TBP: variants seen among roughly 807,000 people sequenced by gnomAD.
TBP encodes the protein TATA-box-binding protein.
TBP carries 12 observed loss-of-function variants against 46.2 expected under a neutral mutation model. The observed-to-expected ratio is 0.26, with a 90% confidence interval of 0.17 to 0.42. The LOEUF (loss-of-function observed/expected upper bound fraction) is 0.42, where lower values mean the gene tolerates loss of function less well. TBP is among the 10% of genes least tolerant of loss of function. The probability of loss-of-function intolerance (pLI) is 1.00; values close to 1 mark genes in which losing one functional copy is unlikely to be tolerated. For synonymous variants in TBP, 157 were observed against 148.3 expected (o/e 1.06, Z -0.42); for missense variants, 229 against 403.1 (o/e 0.57, Z 3.70).
intron 7 of TBP, 33 bp downstream of exon 7, chr6:170,571,537 TTG>T: frequency 6.6e-7 from 1 of 1,515,816 alleles, no homozygotes; most frequent in Non-Finnish European, 9.2e-7. Flanking sequence ...ATCTGAAAGT[TTG>T]TAAGTGTTTT....
chr6:170,570,610 A>C (rs1779350106), intron 6 of TBP, among the ~76,000 whole-genome samples: 1 of 152,216 alleles, frequency 6.6e-6, no homozygotes, highest in African/African-American at 2.4e-5. Flanking sequence ...AGGCAGGCAG[A>C]TCAGTTGAGT....
chr6:170,557,102 G>A lies in TBP; in HGVS notation c.54+19G>A. Reference sequence around the variant, plus strand: ...CCCTCAGGTAATATAGCAGGAGGGAGAGAATAGGGAGGGCGGAAATCTGAA... The same window carrying A: ...CCCTCAGGTAATATAGCAGGAGGGAAAGAATAGGGAGGGCGGAAATCTGAA... On this transcript the variant is annotated intron_variant, in intron 2 of 7. Coordinates refer to ENST00000392092, the MANE Select transcript of TBP (RefSeq NM_003194.5). 1.2e-6 allele frequency: 2 copies of A among 1,609,674 alleles called. No homozygotes were observed. Among genetic ancestry groups the A allele is most frequent in the Non-Finnish European group, 1.7e-6 (2 of 1,176,274 alleles).
chr6:170,559,402 T>G (rs532333178), intron 2 of TBP, among the ~76,000 whole-genome samples: 1 of 152,286 alleles, frequency 6.6e-6, no homozygotes, highest in South Asian at 2.1e-4. Flanking sequence ...GAAGTGCTAC[T>G]CCAGTAAACC....
At position 170,564,525 on chromosome 6, in the gene TBP, T is replaced by C. The variant is rs1779208447; in HGVS notation, c.498-20T>C. 6.5e-7 allele frequency: 1 copy of C among 1,547,680 alleles called. No individual in the cohort carries two copies. The highest frequency in any genetic ancestry group is 8.8e-7 in the Non-Finnish European group (1 of 1,134,314). On this transcript the variant is annotated intron_variant, in intron 3 of 7. Transcript: ENST00000392092. The stretch of plus-strand genomic sequence containing the variant: ...TTAAGTAATTTAAATAGTCGTGTTT[T>C]CTTTTTAAATCTCTTACAGAAATAT...
chr6:170,557,446 T>C (rs1404585991), intron 2 of TBP, among the ~76,000 whole-genome samples: 2 of 152,126 alleles, frequency 1.3e-5, no homozygotes, highest in Non-Finnish European at 2.9e-5. Context: ...ACTTTAAAAA[T>C]TTTTCAGCCT....
In TBP at chr6:170,568,810, CT is replaced by C. The variant is rs752964895; in HGVS notation, c.678-798del. Reference sequence around the variant, plus strand: ...TTTTTTTCTCTTCTTTCTTTCTTTCCTTTTCTTTTTTTTTTTTTTTTTTTTT... The same window carrying C: ...TTTTTTTCTCTTCTTTCTTTCTTTCCTTTCTTTTTTTTTTTTTTTTTTTTT... On this transcript the variant is annotated intron_variant, in intron 5 of 7. Transcript: ENST00000392092. 1.1e-4 allele frequency among the ~76,000 whole-genome samples: 3 copies of C among 26,150 alleles called. 1 individual carries two copies. The highest frequency in any genetic ancestry group is 2.0e-4 in the Non-Finnish European group (3 of 15,248). The allele number at this position is 26,150 out of a possible 152,430, so 17.2% of individuals were successfully genotyped here. A position where few individuals can be genotyped will look rare whatever the true frequency, so the allele number is the denominator to read the frequency against.
intron 4 of TBP, among the ~76,000 whole-genome samples, chr6:170,564,900 T>G (rs910973943): frequency 6.6e-6 from 1 of 151,234 alleles, no homozygotes; most frequent in African/African-American, 2.4e-5. Flanking sequence ...CTCACACGTG[T>G]AATCCCAGCA....
chr6:170,562,145 C>T lies in TBP; in HGVS notation c.409C>T (p.Pro137Ser). The change falls in exon 3 of 8, where the codon CCA (proline) becomes TCA (serine). Residue 137 changes from proline (P) to serine (S), a missense_variant. By Grantham distance (74) the Pro-to-Ser change is moderately conservative. Transcript: ENST00000392092. ...LTTAPLPGTT[P>S]LYPSPMTPMT... Reference sequence around the variant, plus strand: ...AACTGCACCCTTGCCGGGCACCACTCCACTGTATCCCTCCCCCATGACTCC... The same window carrying T: ...AACTGCACCCTTGCCGGGCACCACTTCACTGTATCCCTCCCCCATGACTCC... 6.2e-7 allele frequency: 1 copy of T among 1,614,186 alleles called. No homozygotes were observed.
At chr6:170,569,469 G>A (rs1179105391) in intron 5 of TBP, 143 bp from the exon 6 acceptor site, 4 of 595,686 alleles carry the variant, frequency 6.7e-6, no homozygotes, top group Non-Finnish European at 1.1e-5. Flanking sequence ...GTGAATGCCT[G>A]TCAGTCTTTT....
At position 170,572,511 on chromosome 6, in the gene TBP, C is replaced by T. The variant is rs1293381868; in HGVS notation, c.*246C>T. 17 of 482,404 alleles carry T rather than the reference C, an allele frequency of 3.5e-5. No individual in the cohort carries two copies. The East Asian group carries it at 4.3e-4, about 12-fold the overall frequency. 29.9% of individuals were successfully genotyped at this position (482,404 alleles called of 1,614,324 possible). On this transcript the variant is annotated 3_prime_UTR_variant, in exon 8 of 8. Transcript: ENST00000392092. Reference sequence around the variant, plus strand: ...TCATACCGTGCTGCTATCTGGGCAGCGCTGCCCATTTATTTATATGTAGAT... The same window carrying T: ...TCATACCGTGCTGCTATCTGGGCAGTGCTGCCCATTTATTTATATGTAGAT...
At chr6:170,564,179 G>A (rs1414522714) in intron 3 of TBP, among the ~76,000 whole-genome samples, 7 of 152,152 alleles carry the variant, frequency 4.6e-5, no homozygotes, top group Non-Finnish European at 1.0e-4. Flanking sequence ...GCTCACAGAT[G>A]AGAATTGAGT....
chr6:170,567,110 A>G, intron 5 of TBP, 101 bp downstream of exon 5: 1 of 673,196 alleles, frequency 1.5e-6, no homozygotes, highest in Middle Eastern at 3.0e-4. Context: ...ACATGTTATT[A>G]TTGCTTTCTT....
intron 3 of TBP, 67 bp from the exon 4 acceptor site, chr6:170,564,478 C>T (rs1176815607): frequency 8.8e-7 from 1 of 1,133,442 alleles, no homozygotes; most frequent in African/African-American, 1.6e-5. Flanking sequence ...TGCATAATTT[C>T]TAACGCCTCA....
intron 6 of TBP, 100 bp from the exon 7 acceptor site, chr6:170,571,310 C>G (rs1488682293): frequency 1.3e-6 from 1 of 763,944 alleles, no homozygotes; most frequent in Non-Finnish European, 2.2e-6. Context: ...TACCTCTTGA[C>G]TAGTTTGTTT....
chr6:170,570,678 C>T (rs952147262), intron 6 of TBP, among the ~76,000 whole-genome samples: 14 of 152,060 alleles, frequency 9.2e-5, no homozygotes, highest in African/African-American at 3.4e-4. Flanking sequence ...ACTAAAAATA[C>T]AAAAATTAGC....
chr6:170,567,019 A>T lies in TBP; in HGVS notation c.677+10A>T. On this transcript the variant is annotated intron_variant, in intron 5 of 7. Coordinates refer to ENST00000392092, the MANE Select transcript of TBP (RefSeq NM_003194.5). ...GCACAGGAGCCAAGAGGTAGCCGTAAGAAATTCATTCTTCTGGTCTATGGG... is the reference window on the plus strand; with the variant it reads ...GCACAGGAGCCAAGAGGTAGCCGTATGAAATTCATTCTTCTGGTCTATGGG... The T allele has an allele frequency of 6.2e-7, 1 of 1,610,662 alleles. No homozygotes were observed. The highest frequency in any genetic ancestry group is 1.1e-5 in the South Asian group (1 of 90,396).
chr6:170,571,194 A>G (rs1779360063), intron 6 of TBP, among the ~76,000 whole-genome samples: 1 of 152,194 alleles, frequency 6.6e-6, no homozygotes, highest in African/African-American at 2.4e-5. Context: ...TGATAGGAGG[A>G]CAAATAGCCT....
At position 170,572,408 on chromosome 6, in the gene TBP, G is replaced by C. The variant is rs1405895269; in HGVS notation, c.*143G>C. 4.3e-6 allele frequency: 3 copies of C among 697,406 alleles called. No individual in the cohort carries two copies. Among genetic ancestry groups the C allele is most frequent in the Non-Finnish European group, 7.3e-6 (3 of 408,658 alleles). 43.2% of individuals were successfully genotyped at this position (697,406 alleles called of 1,614,324 possible). ...GTGTGGCACCAGGTGATGCCCTTCT[G>C]TAAGTGCCCACCGCGGGATGCCGGG... On this transcript the variant is annotated 3_prime_UTR_variant, in exon 8 of 8. Transcript: ENST00000392092.
rs192247236 is a variant in TBP at position 170,556,684 on chromosome 6, T to C, written c.-148-198T>C. On this transcript the variant is annotated intron_variant, in intron 1 of 7. Coordinates refer to ENST00000392092, the MANE Select transcript of TBP (RefSeq NM_003194.5). ...AAACATGTAACAAAATGATTTTTGTTTTGTTGGCGATTTTACATGCAATCG... is the reference window on the plus strand; with the variant it reads ...AAACATGTAACAAAATGATTTTTGTCTTGTTGGCGATTTTACATGCAATCG... Among the ~76,000 whole-genome samples the C allele has an allele frequency of 4.1e-3, 629 of 152,338 alleles. 2 individuals are homozygous for C. Among genetic ancestry groups the C allele is most frequent in the African/African-American group, 0.014 (602 of 41,572 alleles).
Sources: gnomAD v4.1 joint callset for allele counts (sites outside exome capture counted in the v4.1 genomes callset) on GRCh38, gnomAD v4.1.1 for gene constraint, MANE v1.5 for transcripts, NCBI Gene and HGNC (gene_info 2026-07-23, HGNC 2026-07-21) for gene names.